The following NELL2 variants were observed in gnomAD, a reference collection of about 807,000 sequenced individuals.
NELL2 encodes protein kinase C-binding protein NELL2.
In NELL2, 41 loss-of-function variants were observed where a neutral mutation model predicts 109.6. The observed-to-expected ratio is 0.37, with a 90% confidence interval of 0.29 to 0.49. The LOEUF (loss-of-function observed/expected upper bound fraction) is 0.49, where lower values mean the gene tolerates loss of function less well. Ranked by LOEUF, NELL2 falls within the 20% of genes least tolerant of loss-of-function variation. The pLI is 0.98. For synonymous variants in NELL2, 355 were observed against 344.7 expected (o/e 1.03, Z -0.33); for missense variants, 900 against 1,008.3 (o/e 0.89, Z 1.45).
At chr12:44,517,279 G>C (rs1565856771) in intron 19 of NELL2, among the ~76,000 whole-genome samples, 2 of 151,714 alleles carry the variant, frequency 1.3e-5, no homozygotes, top group South Asian at 2.1e-4. Context: ...TCTAATGTTA[G>C]AACAGAGGTC....
intron 13 of NELL2, among the ~76,000 whole-genome samples, chr12:44,659,308 A>T (rs879057423): frequency 6.6e-6 from 1 of 152,246 alleles, no homozygotes; most frequent in African/African-American, 2.4e-5. Flanking sequence ...TGACTAAAAC[A>T]CCAAAAGCAA....
chr12:44,710,821 G>T (rs1016320060), intron 11 of NELL2, among the ~76,000 whole-genome samples: 22 of 152,080 alleles, frequency 1.4e-4, no homozygotes, highest in African/African-American at 5.3e-4. Flanking sequence ...ACCTATGGGT[G>T]AGAATTGAGA....
chr12:44,749,958 C>A (rs1251925265), intron 9 of NELL2, among the ~76,000 whole-genome samples: 1 of 150,096 alleles, frequency 6.7e-6, no homozygotes, highest in African/African-American at 2.5e-5. Context: ...AATACGTAAA[C>A]CAGGAAACTA....
chr12:44,741,436 G>C (rs886392790), intron 9 of NELL2, among the ~76,000 whole-genome samples: 21 of 152,160 alleles, frequency 1.4e-4, no homozygotes, highest in Admixed American at 3.9e-4. Flanking sequence ...CATCCCACTG[G>C]GGAGTGCCAG....
At chr12:44,652,626 C>T (rs1297903084) in intron 13 of NELL2, among the ~76,000 whole-genome samples, 2 of 152,174 alleles carry the variant, frequency 1.3e-5, no homozygotes, top group African/African-American at 4.8e-5. Flanking sequence ...AACTAAAAAT[C>T]ATTTTTAAAT....
At chr12:44,685,203 T>C (rs144909976) in intron 12 of NELL2, among the ~76,000 whole-genome samples, 1 of 152,120 alleles carries the variant, frequency 6.6e-6, no homozygotes, top group African/African-American at 2.4e-5. Context: ...TTTGTTGGTT[T>C]AAAGTCTGTT....
At chr12:44,824,934 T>C (rs1370629752) in intron 2 of NELL2, among the ~76,000 whole-genome samples, 2 of 151,866 alleles carry the variant, frequency 1.3e-5, no homozygotes, top group African/African-American at 2.4e-5. Context: ...ATGGTCTCAA[T>C]CTCCTGACCT....
At chr12:44,643,479 G>A (rs1237370257) in intron 13 of NELL2, among the ~76,000 whole-genome samples, 1 of 151,946 alleles carries the variant, frequency 6.6e-6, no homozygotes, top group Non-Finnish European at 1.5e-5. Flanking sequence ...AAATATTAAC[G>A]AGGTTCAGAC....
chr12:44,902,063 A>G (rs991412368), intron 1 of NELL2, among the ~76,000 whole-genome samples: 2 of 152,220 alleles, frequency 1.3e-5, no homozygotes, highest in East Asian at 1.9e-4. Flanking sequence ...GCAATCCGGC[A>G]AGAGAAAGAA....
At chr12:44,820,296 G>A (rs1460731979) in intron 2 of NELL2, among the ~76,000 whole-genome samples, 1 of 152,064 alleles carries the variant, frequency 6.6e-6, no homozygotes, top group East Asian at 1.9e-4. Flanking sequence ...GGAGGGGTAG[G>A]ATTCAGGATA....
chr12:44,813,303 A>C (rs1943239002), intron 3 of NELL2, among the ~76,000 whole-genome samples: 1 of 152,206 alleles, frequency 6.6e-6, no homozygotes, highest in South Asian at 2.1e-4. Context: ...TCAGCAAATG[A>C]AAGTGCCTTA....
At chr12:44,578,461 T>C (rs1287062364) in intron 15 of NELL2, among the ~76,000 whole-genome samples, 1 of 151,658 alleles carries the variant, frequency 6.6e-6, no homozygotes, top group South Asian at 2.1e-4. Context: ...GCTATGAAAA[T>C]AGAGTTAAGA....
intron 2 of NELL2, among the ~76,000 whole-genome samples, chr12:44,867,240 T>C (rs1253653882): frequency 2.6e-5 from 4 of 152,148 alleles, no homozygotes; most frequent in African/African-American, 9.7e-5. Context: ...AACGAAATAC[T>C]AGCAAACCAA....
chr12:44,590,673 G>A (rs1485577266), intron 15 of NELL2, among the ~76,000 whole-genome samples: 2 of 152,046 alleles, frequency 1.3e-5, no homozygotes, highest in South Asian at 2.1e-4. Flanking sequence ...CAACACAGAA[G>A]AAAACATAGG....
At chr12:44,549,167 G>A (rs894004947) in intron 15 of NELL2, among the ~76,000 whole-genome samples, 5 of 152,158 alleles carry the variant, frequency 3.3e-5, no homozygotes, top group African/African-American at 1.2e-4. Flanking sequence ...CAAATTCCTG[G>A]AAGTAATTAA....
At chr12:44,863,489 G>A (rs1944900825) in intron 2 of NELL2, among the ~76,000 whole-genome samples, 1 of 150,028 alleles carries the variant, frequency 6.7e-6, no homozygotes, top group East Asian at 2.0e-4. Context: ...GACGAGGAGA[G>A]AGCTGGGTGA....
At chr12:44,527,530 T>C (rs1338151601) in intron 16 of NELL2, among the ~76,000 whole-genome samples, 1 of 152,136 alleles carries the variant, frequency 6.6e-6, no homozygotes, top group African/African-American at 2.4e-5. Context: ...TAAAAAGTAA[T>C]GACACAGTGA....
At position 44,831,514 on chromosome 12, in the gene NELL2, A is replaced by G. The variant is rs1472545991; in HGVS notation, c.185-15378T>C. 4.6e-5 allele frequency among the ~76,000 whole-genome samples: 7 copies of G among 152,328 alleles called. No homozygotes were observed. In the East Asian group the frequency reaches 1.4e-3, roughly 29 times the overall value. ...GTGGCAGATTGCTAACTGTCCTCCA[A>G]TAGCAATAACTCTCTTCCTCTTCTA... On this transcript the variant is annotated intron_variant, in intron 2 of 19. Transcript: ENST00000429094.
In NELL2 at chr12:44,812,691, A is replaced by C. The variant is rs1407082089; in HGVS notation, c.335+3295T>G. On this transcript the variant is annotated intron_variant, in intron 3 of 19. Transcript: ENST00000429094. ...CAAGAAGAACAGGAAAAAATCCAAT[A>C]CAAGCCATAACAGAAGGTCTGTTGA... Among the ~76,000 whole-genome samples, 6 of 152,314 alleles carry C rather than the reference A, an allele frequency of 3.9e-5. No homozygotes were observed. In the East Asian group the frequency reaches 1.2e-3, roughly 29 times the overall value.
Sources: allele counts gnomAD v4.1 joint callset (sites outside exome capture counted in the v4.1 genomes callset), GRCh38; gene constraint gnomAD v4.1.1; transcripts MANE v1.5; gene names NCBI Gene and HGNC (gene_info 2026-07-23, HGNC 2026-07-21).